Variants in SUPT3H observed in about 807,000 individuals in gnomAD.
SUPT3H encodes transcription initiation protein SPT3 homolog.
Under a neutral mutation model 44.3 loss-of-function variants are expected in SUPT3H, and 44 were observed. The ratio of observed to expected loss-of-function variants is 0.99; its 90% CI spans 0.78 to 1.28. The LOEUF is 1.28. SUPT3H is among the 50% of genes most tolerant of loss of function. The pLI is 0.00. For missense variants in SUPT3H, 380 were observed against 387.1 expected (o/e 0.98, Z 0.15); for synonymous variants, 124 against 125.6 (o/e 0.99, Z 0.09).
chr6:45,290,456 CA>C (rs70996316), intron 2 of SUPT3H, among the ~76,000 whole-genome samples: 3 of 142,158 alleles, frequency 2.1e-5, no homozygotes, highest in Non-Finnish European at 4.5e-5. Flanking sequence ...CATGGATGAT[CA>C]AAAAAAAAAA....
At chr6:45,328,551 CAT>C (rs1371314565) in intron 2 of SUPT3H, 22 of 1,577,466 alleles carry the variant, frequency 1.4e-5, no homozygotes, top group African/African-American at 4.1e-5. Flanking sequence ...TTGCTTTTCA[CAT>C]GTTACCAGCT....
Position 44,986,850 on chromosome 6 carries a change from C to A in SUPT3H, c.504+16803G>T, listed in dbSNP as rs541297859. Among the ~76,000 whole-genome samples, 344 of 151,744 alleles carry A rather than the reference C, an allele frequency of 2.3e-3. 1 individual carries two copies. Among genetic ancestry groups the A allele is most frequent in the Middle Eastern group, 0.02 (6 of 294 alleles). ...AAGTAGAGGAAGACAGAAAAAAAAA[C>A]AACATATAAAAGATCACGGATGATA... On this transcript the variant is annotated intron_variant, in intron 6 of 10. Coordinates refer to ENST00000371459, the MANE Select transcript of SUPT3H (RefSeq NM_003599.4).
intron 3 of SUPT3H, among the ~76,000 whole-genome samples, chr6:45,097,127 T>C (rs759856710): frequency 6.6e-5 from 10 of 152,112 alleles, no homozygotes; most frequent in Non-Finnish European, 1.5e-4. Flanking sequence ...CTGACAGAAA[T>C]CTACAATACA....
intron 10 of SUPT3H, among the ~76,000 whole-genome samples, chr6:44,924,464 C>A (rs1297069442): frequency 2.6e-5 from 4 of 152,042 alleles, no homozygotes; most frequent in African/African-American, 9.7e-5. Flanking sequence ...TACTTGTCTT[C>A]TACAGAATTT....
chr6:45,022,636 C>G (rs1303188504), intron 3 of SUPT3H, among the ~76,000 whole-genome samples: 1 of 152,012 alleles, frequency 6.6e-6, no homozygotes, highest in Admixed American at 6.6e-5. Context: ...TAGTATGTCT[C>G]TGGAACTGAA....
At chr6:45,103,469 CACTAAGATACA>C (rs1188590650) in intron 3 of SUPT3H, among the ~76,000 whole-genome samples, 1 of 151,726 alleles carries the variant, frequency 6.6e-6, no homozygotes, top group Non-Finnish European at 1.5e-5. Flanking sequence ...GTTTATAACC[CACTAAGATACA>C]TTTTCAAACA....
chr6:45,194,737 T>C (rs563519065), intron 2 of SUPT3H, among the ~76,000 whole-genome samples: 1 of 152,110 alleles, frequency 6.6e-6, no homozygotes, highest in South Asian at 2.1e-4. Context: ...AAGAATGTCA[T>C]TGCAATAGAA....
At chr6:45,317,547 G>C (rs1369750711) in intron 2 of SUPT3H, among the ~76,000 whole-genome samples, 1 of 152,126 alleles carries the variant, frequency 6.6e-6, no homozygotes, top group Non-Finnish European at 1.5e-5. Context: ...TACATTTACT[G>C]TCAACTGATT....
intron 2 of SUPT3H, among the ~76,000 whole-genome samples, chr6:45,109,937 A>G (rs1320063908): frequency 6.6e-6 from 1 of 152,122 alleles, no homozygotes; most frequent in Non-Finnish European, 1.5e-5. Context: ...CTATTCATTT[A>G]CATACTGTCT....
chr6:45,137,007 A>G (rs1454689306), intron 2 of SUPT3H, among the ~76,000 whole-genome samples: 1 of 152,178 alleles, frequency 6.6e-6, no homozygotes, highest in Non-Finnish European at 1.5e-5. Flanking sequence ...GAAGCATAAG[A>G]TAAGTGACTC....
intron 3 of SUPT3H, among the ~76,000 whole-genome samples, chr6:45,025,580 G>A (rs574904860): frequency 2.6e-5 from 4 of 152,250 alleles, no homozygotes; most frequent in African/African-American, 9.6e-5. Flanking sequence ...GTTCTAAAAG[G>A]TTTAAAATGT....
rs542152337 is a variant in SUPT3H, at chr6:45,144,834, A to G, written c.102-38828T>C. ...AATGAATTCAGTAGTTTCAGGATAC[A>G]AAACGAATGTACACAAAGCAGTAGC... On this transcript the variant is annotated intron_variant, in intron 2 of 10. Transcript: ENST00000371459. 6.2e-4 allele frequency among the ~76,000 whole-genome samples: 94 copies of G among 152,288 alleles called. 2 individuals carry two copies. The highest frequency in any genetic ancestry group is 6.8e-3 in the Middle Eastern group (2 of 294).
At chr6:45,273,077 A>T (rs906310374) in intron 2 of SUPT3H, among the ~76,000 whole-genome samples, 1 of 152,214 alleles carries the variant, frequency 6.6e-6, no homozygotes, top group Non-Finnish European at 1.5e-5. Context: ...TCTTGTCTGC[A>T]GCTGATCTGG....
intron 2 of SUPT3H, among the ~76,000 whole-genome samples, chr6:45,221,194 T>TG (rs1765987812): frequency 6.6e-6 from 1 of 151,926 alleles, no homozygotes; most frequent in South Asian, 2.1e-4. Flanking sequence ...GGACACAGGG[T>TG]GGGAAACATC....
intron 10 of SUPT3H, among the ~76,000 whole-genome samples, chr6:44,869,247 A>G (rs1775972055): frequency 6.6e-6 from 1 of 151,970 alleles, no homozygotes; most frequent in South Asian, 2.1e-4. Flanking sequence ...GACAAATAGC[A>G]TATCACACCC....
At chr6:45,350,879 G>A (rs1016657452) in intron 2 of SUPT3H, among the ~76,000 whole-genome samples, 2 of 152,064 alleles carry the variant, frequency 1.3e-5, no homozygotes, top group African/African-American at 2.4e-5. Flanking sequence ...GTTCCAGTTC[G>A]TGGCCTGTTG....
intron 3 of SUPT3H, among the ~76,000 whole-genome samples, chr6:45,023,248 T>C (rs1232000967): frequency 6.7e-6 from 1 of 150,226 alleles, no homozygotes; most frequent in East Asian, 1.9e-4. Flanking sequence ...TCAGAATGGC[T>C]ATTATTAAAA....
chr6:44,965,531 G>T (rs966329823), intron 6 of SUPT3H, among the ~76,000 whole-genome samples: 2 of 152,016 alleles, frequency 1.3e-5, no homozygotes, highest in African/African-American at 4.8e-5. Flanking sequence ...GGATGATGAA[G>T]ATGATCTGGA....
At chr6:45,001,070 A>G (rs1376049702) in intron 6 of SUPT3H, among the ~76,000 whole-genome samples, 1 of 152,040 alleles carries the variant, frequency 6.6e-6, no homozygotes, top group Admixed American at 6.6e-5. Context: ...GAAAACTCAA[A>G]GCTATTTGAA....
Sources: allele counts gnomAD v4.1 joint callset (sites outside exome capture counted in the v4.1 genomes callset), GRCh38; gene constraint gnomAD v4.1.1; transcripts MANE v1.5; gene names NCBI Gene and HGNC (gene_info 2026-07-23, HGNC 2026-07-21).